Variants in LEPR observed in about 807,000 individuals in gnomAD.
LEPR encodes OB receptor.
Under a neutral mutation model 114.7 loss-of-function variants are expected in LEPR, and 56 were observed. That is an observed-to-expected ratio of 0.49 (90% CI 0.39 to 0.61). The LOEUF is 0.61. Ranked by LOEUF, LEPR falls within the 20% of genes least tolerant of loss-of-function variation. LEPR has a pLI of 0.00. For missense variants in LEPR, 1,202 were observed against 1,352.9 expected (o/e 0.89, Z 1.75); for synonymous variants, 443 against 461.4 (o/e 0.96, Z 0.51).
At chr1:65,550,651 C>T (rs1165340125) in intron 2 of LEPR, among the ~76,000 whole-genome samples, 2 of 152,180 alleles carry the variant, frequency 1.3e-5, no homozygotes, top group East Asian at 1.9e-4. Flanking sequence ...CTGGTGCGCC[C>T]TTTCCTAAGC....
intron 2 of LEPR, among the ~76,000 whole-genome samples, chr1:65,488,224 C>T (rs377328931): frequency 0.062 from 2,446 of 39,338 alleles, 170 homozygotes; most frequent in African/African-American, 0.12. Context: ...CTCTCTCTCT[C>T]TCTCTTTCTT....
At chr1:65,546,280 T>G (rs1342094978) in intron 2 of LEPR, among the ~76,000 whole-genome samples, 1 of 152,238 alleles carries the variant, frequency 6.6e-6, no homozygotes, top group Admixed American at 6.5e-5. Flanking sequence ...AGGATTGACT[T>G]GGCGATGCGG....
intron 2 of LEPR, among the ~76,000 whole-genome samples, chr1:65,466,440 G>A (rs1199334255): frequency 2.0e-5 from 3 of 152,108 alleles, no homozygotes. Context: ...TGACCTTTCT[G>A]TCTGGCTGCC....
At chr1:65,447,531 TTTC>T (rs1646728518) in intron 2 of LEPR, among the ~76,000 whole-genome samples, 1 of 150,348 alleles carries the variant, frequency 6.7e-6, no homozygotes, top group Non-Finnish European at 1.5e-5. Context: ...TGATTTTTCT[TTTC>T]TTTTTTTTTT....
At position 65,570,504 on chromosome 1, in the gene LEPR, G is replaced by A; in HGVS notation, c.72G>A (p.Leu24=). The A allele has an allele frequency of 1.2e-6, 2 of 1,613,700 alleles. No individual in the cohort carries two copies. Among genetic ancestry groups the A allele is most frequent in the Non-Finnish European group, 1.7e-6 (2 of 1,179,890 alleles). The part of the protein sequence containing the change: ...EFIYVITAFN[L]SYPITPWRFK... The stretch of plus-strand genomic sequence containing the variant: ...TTTATGTGATAACTGCGTTTAACTT[G>A]TCATATCCAATTACTCCTTGGAGAT... The change falls in exon 4 of 20, where the codon TTG becomes TTA. Residue 24 remains leucine, a synonymous_variant. Transcript: ENST00000349533.
intron 2 of LEPR, among the ~76,000 whole-genome samples, chr1:65,502,996 AG>A (rs1250850375): frequency 6.6e-6 from 1 of 151,852 alleles, no homozygotes; most frequent in East Asian, 1.9e-4. Flanking sequence ...TGGATGAGGG[AG>A]GGAGAGAGAA....
At chr1:65,529,159 T>A (rs1473585111) in intron 2 of LEPR, among the ~76,000 whole-genome samples, 1 of 152,136 alleles carries the variant, frequency 6.6e-6, no homozygotes, top group East Asian at 1.9e-4. Flanking sequence ...TCATAGATTA[T>A]TTTGCTTAAC....
intron 2 of LEPR, among the ~76,000 whole-genome samples, chr1:65,490,918 G>T (rs1251654327): frequency 1.3e-5 from 2 of 152,100 alleles, no homozygotes; most frequent in Non-Finnish European, 2.9e-5. Flanking sequence ...GATGATTTCA[G>T]AAGTGTAAAC....
At chr1:65,607,130 C>G (rs1656864600) in intron 11 of LEPR, among the ~76,000 whole-genome samples, 1 of 152,268 alleles carries the variant, frequency 6.6e-6, no homozygotes, top group South Asian at 2.1e-4. Context: ...ATCGTCAGTT[C>G]TCTCTTAATT....
intron 19 of LEPR, 63 bp downstream of exon 19, chr1:65,623,044 T>G: frequency 6.9e-7 from 1 of 1,456,788 alleles, no homozygotes; most frequent in Non-Finnish European, 9.5e-7. Context: ...GCCATATGAC[T>G]TATAGAGCAT....
In LEPR at chr1:65,572,407, T is replaced by C. The variant is rs777982286; in HGVS notation, c.452T>C (p.Leu151Pro). The change falls in exon 5 of 20, where the codon CTA (leucine) becomes CCA (proline). Residue 151 changes from leucine to proline, a missense_variant. Coordinates refer to ENST00000349533, the MANE Select transcript of LEPR (RefSeq NM_002303.6). ...ICYVESLFKNLFRNYNYKVHL... is the reference protein window; with the variant it reads ...ICYVESLFKNPFRNYNYKVHL... ...TATGTGGAGTCATTATTTAAGAATC[T>C]ATTCAGGAATTATAACTATAAGGTC... 21 of 1,578,754 alleles carry C rather than the reference T, an allele frequency of 1.3e-5. No homozygotes were observed. The highest frequency in any genetic ancestry group is 1.8e-5 in the Non-Finnish European group (21 of 1,157,582).
chr1:65,554,434 G>T (rs535111411), intron 2 of LEPR, among the ~76,000 whole-genome samples: 1 of 152,302 alleles, frequency 6.6e-6, no homozygotes, highest in South Asian at 2.1e-4. Flanking sequence ...ATCTAGAGAG[G>T]CAGTCTGGCT....
At chr1:65,433,590 A>T (rs1012993786) in intron 2 of LEPR, 44 of 985,412 alleles carry the variant, frequency 4.5e-5, no homozygotes, top group Middle Eastern at 1.0e-3. Flanking sequence ...GGAAAATAGA[A>T]AGTAATAACT....
intron 14 of LEPR, among the ~76,000 whole-genome samples, chr1:65,613,004 A>T (rs972110336): frequency 1.3e-5 from 2 of 152,134 alleles, no homozygotes; most frequent in African/African-American, 2.4e-5. Flanking sequence ...TGAAGTCCCC[A>T]TGCTTAAGGA....
intron 2 of LEPR, chr1:65,486,365 A>G (rs1364415978): frequency 6.6e-6 from 1 of 152,164 alleles, no homozygotes; most frequent in Non-Finnish European, 1.5e-5. Context: ...ATGAATGACT[A>G]AATGAGTTCT....
intron 2 of LEPR, among the ~76,000 whole-genome samples, chr1:65,449,260 C>CTTTTTTTTT (rs201429452): frequency 5.1e-5 from 6 of 118,560 alleles, no homozygotes; most frequent in African/African-American, 1.9e-4. Context: ...TTTTATTTAT[C>CTTTTTTTTT]TTTTTTTTTT....
At position 65,468,787 on chromosome 1, in the gene LEPR, A is replaced by G. The variant is rs539198745; in HGVS notation, c.-21+43409A>G. Among the ~76,000 whole-genome samples, 7 of 152,346 alleles carry G rather than the reference A, an allele frequency of 4.6e-5. No homozygotes were observed. The South Asian group carries it at 1.4e-3, about 32-fold the overall frequency. On this transcript the variant is annotated intron_variant, in intron 2 of 19. Transcript: ENST00000349533. ...GTGCACATGCGGATGCATTGTGTAC[A>G]TGCAAACTCAAATCCCCATAGCATC... is the stretch of plus-strand genomic sequence containing the variant.
chr1:65,630,742 C>G (rs1292817631), intron 19 of LEPR, among the ~76,000 whole-genome samples: 1 of 151,698 alleles, frequency 6.6e-6, no homozygotes, highest in East Asian at 1.9e-4. Flanking sequence ...TTGCCATACC[C>G]TCTTCTTCCA....
At chr1:65,433,315 G>A in intron 2 of LEPR, 2 of 985,382 alleles carry the variant, frequency 2.0e-6, no homozygotes, top group Non-Finnish European at 2.4e-6. Context: ...CTTCCGTCCT[G>A]TAGGTCTTTT....
Sources: gnomAD v4.1 joint callset for allele counts (sites outside exome capture counted in the v4.1 genomes callset) on GRCh38, gnomAD v4.1.1 for gene constraint, MANE v1.5 for transcripts, NCBI Gene and HGNC (gene_info 2026-07-23, HGNC 2026-07-21) for gene names.